The following SLIT3 variants were observed in gnomAD, a reference collection of about 807,000 sequenced individuals.
SLIT3 encodes slit homolog 3 protein.
In SLIT3, 68 loss-of-function variants were observed where a neutral mutation model predicts 184.0. The observed-to-expected ratio is 0.37, with a 90% CI of 0.30 to 0.45. The LOEUF is 0.45. Ranked by LOEUF, SLIT3 falls within the 20% of genes least tolerant of loss-of-function variation. SLIT3 has a pLI of 1.00. For synonymous variants in SLIT3, 831 were observed against 828.6 expected (o/e 1.00, Z -0.05); for missense variants, 1,707 against 2,026.0 (o/e 0.84, Z 3.02).
chr5:168,754,073 T>A, intron 16 of SLIT3, 66 bp from the exon 17 acceptor site: 2 of 1,486,324 alleles, frequency 1.3e-6, no homozygotes, highest in South Asian at 2.5e-5. Flanking sequence ...CGGGAGGGGA[T>A]GACTTGCCCT....
At chr5:169,180,697 T>C (rs1763125117) in intron 4 of SLIT3, among the ~76,000 whole-genome samples, 1 of 152,196 alleles carries the variant, frequency 6.6e-6, no homozygotes, top group Non-Finnish European at 1.5e-5. Context: ...AACTCTGTCT[T>C]TCCCTGCTGC....
intron 5 of SLIT3, among the ~76,000 whole-genome samples, chr5:168,877,885 G>A (rs1759793990): frequency 6.6e-6 from 1 of 152,106 alleles, no homozygotes; most frequent in African/African-American, 2.4e-5. Flanking sequence ...ATCCCTACTG[G>A]TTTTTGTCTT....
intron 1 of SLIT3, among the ~76,000 whole-genome samples, chr5:169,268,921 C>T (rs1344592675): frequency 6.6e-6 from 1 of 152,108 alleles, no homozygotes; most frequent in Non-Finnish European, 1.5e-5. Context: ...ATAAGGGGGA[C>T]ACTCTTATTA....
intron 4 of SLIT3, among the ~76,000 whole-genome samples, chr5:168,972,059 C>T (rs1222712796): frequency 6.6e-6 from 1 of 152,166 alleles, no homozygotes; most frequent in African/African-American, 2.4e-5. Flanking sequence ...TTACACAGGG[C>T]TGCGAGGAAG....
At chr5:169,193,451 G>A in intron 4 of SLIT3, 28 bp downstream of exon 4, 2 of 1,599,728 alleles carry the variant, frequency 1.3e-6, no homozygotes, top group South Asian at 1.1e-5. Flanking sequence ...AAGGCACAAG[G>A]TAGAGAACAC....
intron 4 of SLIT3, among the ~76,000 whole-genome samples, chr5:169,019,684 C>A (rs971280904): frequency 1.3e-5 from 2 of 152,182 alleles, no homozygotes; most frequent in Admixed American, 6.5e-5. Flanking sequence ...AATGCAGACT[C>A]CTGGGCCCCA....
At chr5:168,673,078 G>A (rs1761302631) in intron 33 of SLIT3, 99 bp downstream of exon 33, 1 of 1,177,602 alleles carries the variant, frequency 8.5e-7, no homozygotes, top group South Asian at 1.4e-5. Context: ...CCTTCCTCCA[G>A]GAAGCCTTCC....
At chr5:169,042,555 A>G (rs1395698000) in intron 4 of SLIT3, among the ~76,000 whole-genome samples, 1 of 152,178 alleles carries the variant, frequency 6.6e-6, no homozygotes, top group Non-Finnish European at 1.5e-5. Flanking sequence ...CTTTCATTTT[A>G]ACCTAAATGT....
At chr5:168,977,949 GGTGAA>G (rs1227356798) in intron 4 of SLIT3, among the ~76,000 whole-genome samples, 36 of 152,174 alleles carry the variant, frequency 2.4e-4, no homozygotes, top group African/African-American at 8.4e-4. Flanking sequence ...ATGGGCAGGA[GGTGAA>G]GTGAAGGCAT....
At chr5:168,862,927 A>T (rs1759163377) in intron 5 of SLIT3, among the ~76,000 whole-genome samples, 3 of 152,204 alleles carry the variant, frequency 2.0e-5, no homozygotes, top group African/African-American at 7.2e-5. Flanking sequence ...TGTCTGCCTC[A>T]GTCTCCCAAA....
At chr5:169,294,808 A>C (rs1341638314) in intron 1 of SLIT3, among the ~76,000 whole-genome samples, 1 of 152,160 alleles carries the variant, frequency 6.6e-6, no homozygotes, top group African/African-American at 2.4e-5. Flanking sequence ...GTGATAGCCT[A>C]TTGCTCCTAA....
intron 4 of SLIT3, among the ~76,000 whole-genome samples, chr5:168,936,760 C>T (rs534783440): frequency 5.5e-4 from 83 of 152,168 alleles, no homozygotes; most frequent in Non-Finnish European, 8.2e-4. Context: ...GGGTGGTTGG[C>T]GTTCAGTGAA....
chr5:168,678,294 C>T (rs1350839389), intron 32 of SLIT3, among the ~76,000 whole-genome samples: 1 of 152,186 alleles, frequency 6.6e-6, no homozygotes, highest in Non-Finnish European at 1.5e-5. Flanking sequence ...TTTTTACCAG[C>T]ATCCCTAAGT....
rs137947715 is a variant in SLIT3, at chr5:169,247,707, C to T, written c.270-2931G>A. Among the ~76,000 whole-genome samples the T allele has an allele frequency of 9.5e-3, 1,447 of 152,154 alleles. 27 individuals carry two copies. The highest frequency in any genetic ancestry group is 0.033 in the African/African-American group (1,372 of 41,504). On this transcript the variant is annotated intron_variant, in intron 2 of 35. Transcript: ENST00000519560. ...AGACAAGGTCTCACTTTGTCACCCA[C>T]GCTGGAGTGCAGTGGTGCAAGGTGC... is the stretch of plus-strand genomic sequence containing the variant.
At chr5:168,972,365 G>GTA (rs1021253953) in intron 4 of SLIT3, among the ~76,000 whole-genome samples, 1 of 151,372 alleles carries the variant, frequency 6.6e-6, no homozygotes, top group Non-Finnish European at 1.5e-5. Context: ...GTGTGTGTGT[G>GTA]TGTGTGTGTG....
intron 4 of SLIT3, among the ~76,000 whole-genome samples, chr5:169,025,920 C>T (rs539216127): frequency 1.3e-5 from 2 of 152,302 alleles, no homozygotes; most frequent in African/African-American, 4.8e-5. Context: ...TGGCTTGGCC[C>T]TAGCATAGCT....
At chr5:168,999,791 G>A (rs944567233) in intron 4 of SLIT3, among the ~76,000 whole-genome samples, 1 of 152,200 alleles carries the variant, frequency 6.6e-6, no homozygotes, top group African/African-American at 2.4e-5. Context: ...ATGGAGGGCC[G>A]GCCCTGGGGC....
intron 34 of SLIT3, among the ~76,000 whole-genome samples, chr5:168,670,247 C>T (rs1761195517): frequency 6.6e-6 from 1 of 152,236 alleles, no homozygotes; most frequent in Non-Finnish European, 1.5e-5. Flanking sequence ...GATTTACACA[C>T]ACACCTCATG....
chr5:168,895,983 A>C (rs568643349), intron 4 of SLIT3, among the ~76,000 whole-genome samples: 2 of 152,320 alleles, frequency 1.3e-5, no homozygotes, highest in Non-Finnish European at 2.9e-5. Context: ...TCTCGTGCCA[A>C]ATAGAATCAA....
Sources: allele counts gnomAD v4.1 joint callset (sites outside exome capture counted in the v4.1 genomes callset), GRCh38; gene constraint gnomAD v4.1.1; transcripts MANE v1.5; gene names NCBI Gene and HGNC (gene_info 2026-07-23, HGNC 2026-07-21).